MYOM1: variants seen among roughly 807,000 people sequenced by gnomAD.
MYOM1 encodes myomesin-1.
In MYOM1, 164 loss-of-function variants were observed where a neutral mutation model predicts 205.3. That is an observed-to-expected ratio of 0.80 (90% CI 0.70 to 0.91). The LOEUF is 0.91. Ranked by LOEUF, MYOM1 falls within the 40% of genes least tolerant of loss-of-function variation. The pLI is 0.00. For missense variants in MYOM1, 2,011 were observed against 2,127.3 expected, an observed-to-expected ratio of 0.95 and a Z score of 1.08; for synonymous variants, 772 against 789.4, an observed-to-expected ratio of 0.98 and a Z score of 0.37.
chr18:3,236,162 G>A, the MYOM1 span, among the ~76,000 whole-genome samples: 6 of 150,770 alleles, frequency 4.0e-5, no homozygotes, highest in East Asian at 5.8e-4. Context: ...GAGGTGGTAG[G>A]ACACTTCACT....
intron 10 of MYOM1, among the ~76,000 whole-genome samples, chr18:3,157,171 A>G (rs2144019147): frequency 6.6e-6 from 1 of 152,316 alleles, no homozygotes; most frequent in Admixed American, 6.5e-5. Context: ...CTGGGCATCC[A>G]TGGCATAGAT....
intron 20 of MYOM1, 105 bp from the exon 21 acceptor site, chr18:3,116,620 CT>C: frequency 9.5e-7 from 1 of 1,047,438 alleles, no homozygotes; most frequent in Non-Finnish European, 1.3e-6. Context: ...CACTGGTGTT[CT>C]TTTTTCAAAA....
intron 8 of MYOM1, among the ~76,000 whole-genome samples, chr18:3,171,736 C>A (rs1223326236): frequency 6.6e-6 from 1 of 152,066 alleles, no homozygotes; most frequent in Admixed American, 6.6e-5. Flanking sequence ...TGTGAAAAGT[C>A]ACAGGAAATT....
At chr18:3,206,881 A>C (rs1430692729) in intron 2 of MYOM1, among the ~76,000 whole-genome samples, 1 of 152,196 alleles carries the variant, frequency 6.6e-6, no homozygotes, top group Non-Finnish European at 1.5e-5. Flanking sequence ...TAGCGTCATA[A>C]TAAATATTAT....
At chr18:3,091,280 C>T (rs1427756357) in intron 26 of MYOM1, among the ~76,000 whole-genome samples, 1 of 151,910 alleles carries the variant, frequency 6.6e-6, no homozygotes, top group Non-Finnish European at 1.5e-5. Context: ...CGCACCATTG[C>T]ACTCCAGCCT....
chr18:3,225,144 C>T, the MYOM1 span, among the ~76,000 whole-genome samples: 4 of 152,230 alleles, frequency 2.6e-5, no homozygotes, highest in South Asian at 2.1e-4. Context: ...CCTGCCACCA[C>T]GCCCAACTAA....
chr18:3,097,281 G>A (rs1390983872), intron 25 of MYOM1, among the ~76,000 whole-genome samples: 1 of 152,166 alleles, frequency 6.6e-6, no homozygotes, highest in East Asian at 1.9e-4. Flanking sequence ...TATTCACCTT[G>A]TGACCTCATT....
intron 8 of MYOM1, among the ~76,000 whole-genome samples, chr18:3,172,692 T>C (rs2080578367): frequency 6.6e-6 from 1 of 152,116 alleles, no homozygotes; most frequent in Non-Finnish European, 1.5e-5. Flanking sequence ...GTATTTTTAG[T>C]AGAGATAGGG....
intron 1 of MYOM1, 135 bp from the exon 2 acceptor site, chr18:3,215,386 T>C: frequency 2.7e-6 from 2 of 739,546 alleles, no homozygotes; most frequent in Middle Eastern, 3.9e-4. Flanking sequence ...AACGAGGATC[T>C]CTCGAGGCCG....
chr18:3,130,823 T>C (rs2079864487), intron 17 of MYOM1, among the ~76,000 whole-genome samples: 1 of 152,174 alleles, frequency 6.6e-6, no homozygotes, highest in Non-Finnish European at 1.5e-5. Flanking sequence ...GATTGGGAGG[T>C]ACATCACATA....
intron 20 of MYOM1, among the ~76,000 whole-genome samples, chr18:3,118,619 C>CCA (rs2079640841): frequency 6.6e-6 from 1 of 152,148 alleles, no homozygotes; most frequent in Non-Finnish European, 1.5e-5. Context: ...CAGGAATGAG[C>CCA]CACCGCACCC....
At chr18:3,205,667 T>C (rs138637801) in intron 2 of MYOM1, among the ~76,000 whole-genome samples, 28 of 152,314 alleles carry the variant, frequency 1.8e-4, no homozygotes, top group Middle Eastern at 3.4e-3. Flanking sequence ...TAGTTTCTTA[T>C]AGAGTTAAAT....
rs556631516 is a variant in MYOM1 at position 3,142,650 on chromosome 18, G to A, written c.1901-587C>T. Among the ~76,000 whole-genome samples the A allele has an allele frequency of 6.6e-4, 101 of 152,208 alleles. 1 individual carries two copies. In the South Asian group the frequency reaches 0.018, roughly 28 times the overall value. ...AAATAGTTCTGAGGCCAGGTCAGGA[G>A]TGTTCGGGTGAAAGCAAGGACAAAC... On this transcript the variant is annotated intron_variant, in intron 13 of 37. Coordinates refer to ENST00000356443, the MANE Select transcript of MYOM1 (RefSeq NM_003803.4).
chr18:3,114,130 A>G (rs1013161659), intron 21 of MYOM1, among the ~76,000 whole-genome samples: 4 of 152,222 alleles, frequency 2.6e-5, no homozygotes, highest in African/African-American at 9.6e-5. Context: ...GAACACAGAA[A>G]CATTTCCGTG....
At chr18:3,118,381 T>G (rs917665894) in intron 20 of MYOM1, among the ~76,000 whole-genome samples, 4 of 152,020 alleles carry the variant, frequency 2.6e-5, no homozygotes, top group Non-Finnish European at 5.9e-5. Context: ...AGAGCCTCAC[T>G]CTTATCCAGG....
chr18:3,156,696 C>A (rs1313800950), intron 10 of MYOM1, among the ~76,000 whole-genome samples: 1 of 151,848 alleles, frequency 6.6e-6, no homozygotes, highest in Non-Finnish European at 1.5e-5. Flanking sequence ...AGCTCCACCT[C>A]CCGGGTTCAC....
Position 3,210,599 on chromosome 18 carries a change from T to C in MYOM1, c.290+4335A>G, listed in dbSNP as rs112442040. The stretch of plus-strand genomic sequence containing the variant: ...CTCCTTGGGTTTTCTTTGTTAGAAT[T>C]TGTGTCCTTCCATCTGCTGTTCCCT... On this transcript the variant is annotated intron_variant, in intron 2 of 37. Transcript: ENST00000356443. Among the ~76,000 whole-genome samples, 211 of 152,348 alleles carry C rather than the reference T, an allele frequency of 1.4e-3. 3 individuals carry two copies. The highest frequency in any genetic ancestry group is 4.8e-3 in the African/African-American group (199 of 41,586).
In MYOM1 at chr18:3,149,313, T is replaced by C. The variant is rs80138448; in HGVS notation, c.1844-112A>G. ...TAGTCACAACTGGGTTTGTTACTAA[T>C]AGACTTATGTGTTTTCCCATGAATG... On this transcript the variant is annotated intron_variant, in intron 12 of 37. Coordinates refer to ENST00000356443, the MANE Select transcript of MYOM1 (RefSeq NM_003803.4). 1,084 of 796,542 alleles carry C rather than the reference T, an allele frequency of 1.4e-3. 8 individuals carry two copies. The African/African-American group carries it at 0.017, about 12-fold the overall frequency. 49.3% of individuals were successfully genotyped at this position (796,542 alleles called of 1,614,324 possible). A position where few individuals can be genotyped will look rare whatever the true frequency, so the allele number is the denominator to read the frequency against.
At chr18:3,123,463 T>C (rs2079727970) in intron 19 of MYOM1, among the ~76,000 whole-genome samples, 1 of 152,046 alleles carries the variant, frequency 6.6e-6, no homozygotes, top group South Asian at 2.1e-4. Flanking sequence ...ATCGTAAAAC[T>C]TTAATAAGAG....
Sources: allele counts gnomAD v4.1 joint callset (sites outside exome capture counted in the v4.1 genomes callset), GRCh38; gene constraint gnomAD v4.1.1; transcripts MANE v1.5; gene names NCBI Gene and HGNC (gene_info 2026-07-23, HGNC 2026-07-21).